ATXN1: variants seen among roughly 807,000 people sequenced by gnomAD.
ATXN1 encodes the protein ataxin 1.
A neutral mutation model predicts 56.4 loss-of-function variants in ATXN1; 8 were observed. The observed-to-expected ratio is 0.14, with a 90% CI of 0.08 to 0.26. The LOEUF is 0.26. Ranked by LOEUF, ATXN1 falls within the 10% of genes least tolerant of loss-of-function variation. The pLI is 1.00. For missense variants in ATXN1, 987 were observed against 1,106.5 expected (o/e 0.89, Z 1.53); for synonymous variants, 514 against 494.6 (o/e 1.04, Z -0.52).
chr6:16,348,117 C>A (rs1003441890), intron 6 of ATXN1, among the ~76,000 whole-genome samples: 2 of 152,212 alleles, frequency 1.3e-5, no homozygotes, highest in African/African-American at 4.8e-5. Context: ...GCACCTAATT[C>A]TGGACACAGT....
chr6:16,679,924 T>G (rs889865152), intron 2 of ATXN1, among the ~76,000 whole-genome samples: 2 of 152,222 alleles, frequency 1.3e-5, no homozygotes, highest in African/African-American at 4.8e-5. Context: ...GTTCATAATG[T>G]GGTAATATTA....
rs563654957 is a variant in ATXN1 at position 16,312,347 on chromosome 6, T to C, written c.1918-5488A>G. Among the ~76,000 whole-genome samples, 3 of 152,170 alleles carry C rather than the reference T, an allele frequency of 2.0e-5. No individual in the cohort carries two copies. The East Asian group carries it at 5.8e-4, about 29-fold the overall frequency. ...ACACCACTCTTGTAATCCCAGCACT[T>C]TGGGAGGCTGAGGTACAATTGTGAA... is the stretch of plus-strand genomic sequence containing the variant. On this transcript the variant is annotated intron_variant, in intron 7 of 7. Coordinates refer to ENST00000436367, the MANE Select transcript of ATXN1 (RefSeq NM_001128164.2).
At chr6:16,308,368 A>ACACACACACACT (rs1491275467) in intron 7 of ATXN1, among the ~76,000 whole-genome samples, 2 of 139,710 alleles carry the variant, frequency 1.4e-5, no homozygotes, top group Admixed American at 7.2e-5. Context: ...ACACACACAC[A>ACACACACACACT]CTTCCTGGGT....
In ATXN1 at chr6:16,394,202, CCT is replaced by C. The variant is rs138316202; in HGVS notation, c.-160-65734_-160-65733del. ...CTGATCAGACTTTAGGCAACCCTCA[CCT>C]CAACCTGTGATTATGGAAGGAAGTA... On this transcript the variant is annotated intron_variant, in intron 6 of 7. Coordinates refer to ENST00000436367, the MANE Select transcript of ATXN1 (RefSeq NM_001128164.2). Among the ~76,000 whole-genome samples the C allele has an allele frequency of 8.4e-3, 1,279 of 152,282 alleles. 18 individuals carry two copies. Among genetic ancestry groups the C allele is most frequent in the African/African-American group, 0.029 (1,219 of 41,536 alleles).
At chr6:16,317,231 G>A (rs1760533138) in intron 7 of ATXN1, among the ~76,000 whole-genome samples, 1 of 152,120 alleles carries the variant, frequency 6.6e-6, no homozygotes, top group Non-Finnish European at 1.5e-5. Flanking sequence ...ACGCCAGACA[G>A]CTCAATATAG....
intron 6 of ATXN1, among the ~76,000 whole-genome samples, chr6:16,348,619 C>A (rs376406126): frequency 6.6e-6 from 1 of 151,888 alleles, no homozygotes; most frequent in East Asian, 1.9e-4. Context: ...CACTTGAACC[C>A]GCGAGGTGGA....
chr6:16,332,779 T>C (rs528444035), intron 6 of ATXN1, among the ~76,000 whole-genome samples: 1 of 152,312 alleles, frequency 6.6e-6, no homozygotes, highest in African/African-American at 2.4e-5. Context: ...AGAGCTACAT[T>C]AACTATCTCT....
chr6:16,619,058 A>G (rs1018797800), intron 3 of ATXN1, among the ~76,000 whole-genome samples: 1 of 152,150 alleles, frequency 6.6e-6, no homozygotes, highest in African/African-American at 2.4e-5. Context: ...TTGAAACTAC[A>G]CTAAAAAAAG....
chr6:16,566,252 C>T (rs2113744676), intron 4 of ATXN1, among the ~76,000 whole-genome samples: 1 of 152,116 alleles, frequency 6.6e-6, no homozygotes, highest in South Asian at 2.1e-4. Flanking sequence ...TTTTTGCATC[C>T]AGATATAAGA....
intron 6 of ATXN1, among the ~76,000 whole-genome samples, chr6:16,445,876 G>C (rs1448387166): frequency 1.9e-4 from 29 of 150,436 alleles, no homozygotes; most frequent in African/African-American, 6.9e-4. Flanking sequence ...TGGCTGCATA[G>C]TATTCCATGG....
intron 2 of ATXN1, among the ~76,000 whole-genome samples, chr6:16,671,905 T>C (rs1318912867): frequency 4.6e-5 from 7 of 152,216 alleles, no homozygotes; most frequent in Non-Finnish European, 1.0e-4. Context: ...AACATCAGTA[T>C]TATGCAATGA....
intron 4 of ATXN1, among the ~76,000 whole-genome samples, chr6:16,538,872 G>T (rs1199000383): frequency 6.6e-6 from 1 of 152,124 alleles, no homozygotes; most frequent in Non-Finnish European, 1.5e-5. Flanking sequence ...TTTCAGTAGA[G>T]ACAGGGTTTC....
chr6:16,656,736 C>T (rs1758210842), intron 3 of ATXN1, among the ~76,000 whole-genome samples: 1 of 152,154 alleles, frequency 6.6e-6, no homozygotes, highest in African/African-American at 2.4e-5. Context: ...GGGATATGCT[C>T]TGAGAAATGC....
chr6:16,503,382 A>G lies in ATXN1; in HGVS notation c.-298-17273T>C, dbSNP rs1397788067. Among the ~76,000 whole-genome samples, 5 of 152,168 alleles carry G rather than the reference A, an allele frequency of 3.3e-5. No individual in the cohort carries two copies. The East Asian group carries it at 9.6e-4, about 29-fold the overall frequency. ...CTGGCCTCATGACAAGTTACCACCA[A>G]TGGAGTACTGACTGTTCCCTGCACA... On this transcript the variant is annotated intron_variant, in intron 5 of 7. Transcript: ENST00000436367.
In ATXN1 at chr6:16,617,424, GA is replaced by G. The variant is rs956297147; in HGVS notation, c.-488-31518del. Among the ~76,000 whole-genome samples, 268 of 151,050 alleles carry G rather than the reference GA, an allele frequency of 1.8e-3. 4 individuals carry two copies. Among genetic ancestry groups the G allele is most frequent in the African/African-American group, 5.3e-3 (220 of 41,174 alleles). ...AGACTAAAAATAGCTAATAAATGCT[GA>G]AAAAAAATATATGAAAGAATCTAAT... On this transcript the variant is annotated intron_variant, in intron 3 of 7. Transcript: ENST00000436367.
intron 6 of ATXN1, among the ~76,000 whole-genome samples, chr6:16,352,640 A>C (rs1406711602): frequency 6.6e-6 from 1 of 152,006 alleles, no homozygotes; most frequent in African/African-American, 2.4e-5. Context: ...GGCTCAAAAG[A>C]AGCATCATGG....
chr6:16,455,259 A>G (rs1228705582), intron 6 of ATXN1, among the ~76,000 whole-genome samples: 1 of 152,236 alleles, frequency 6.6e-6, no homozygotes, highest in Non-Finnish European at 1.5e-5. Flanking sequence ...TAAAATGGAC[A>G]AAAGACCTGA....
chr6:16,730,025 G>A (rs926270712), intron 2 of ATXN1, among the ~76,000 whole-genome samples: 1 of 152,272 alleles, frequency 6.6e-6, no homozygotes, highest in African/African-American at 2.4e-5. Context: ...GCGCACGCCT[G>A]TAATCCCAGC....
chr6:16,679,914 G>C (rs1758778931), intron 2 of ATXN1, among the ~76,000 whole-genome samples: 1 of 152,098 alleles, frequency 6.6e-6, no homozygotes, highest in South Asian at 2.1e-4. Flanking sequence ...CTCCTATTGA[G>C]TTCATAATGT....
Sources: allele counts gnomAD v4.1 joint callset (sites outside exome capture counted in the v4.1 genomes callset), GRCh38; gene constraint gnomAD v4.1.1; transcripts MANE v1.5; gene names NCBI Gene and HGNC (gene_info 2026-07-23, HGNC 2026-07-21).